ZNF738: variants seen among roughly 807,000 people sequenced by gnomAD.
ZNF738 encodes protein ZNF738.
A neutral mutation model predicts 9.2 loss-of-function variants in ZNF738; 10 were observed. That is an observed-to-expected ratio of 1.09 (90% CI 0.67 to 1.85). ZNF738 has a LOEUF of 1.85. ZNF738 is among the 40% of genes most tolerant of loss of function. The pLI is 0.00. For synonymous variants in ZNF738, 113 were observed against 94.5 expected (o/e 1.20, Z -1.14); for missense variants, 346 against 283.6 (o/e 1.22, Z -1.58).
intron 2 of ZNF738, among the ~76,000 whole-genome samples, chr19:21,367,395 A>G (rs1324691515): frequency 6.6e-6 from 1 of 152,128 alleles, no homozygotes; most frequent in Admixed American, 6.6e-5. Flanking sequence ...AGATGGGCCT[A>G]TGGGGTTTGT....
chr19:21,364,857 T>A (rs1973754512), intron 2 of ZNF738, among the ~76,000 whole-genome samples: 1 of 149,354 alleles, frequency 6.7e-6, no homozygotes, highest in Non-Finnish European at 1.5e-5. Context: ...GTGATTCTCC[T>A]GCCTCAGCCT....
At chr19:21,381,707 A>G in intron 4 of ZNF738, 1 of 338,430 alleles carries the variant, frequency 3.0e-6, no homozygotes, top group Non-Finnish European at 5.6e-6. Context: ...GTTAGCCAGG[A>G]TGGTCTCGAT....
chr19:21,380,983 T>C (rs1358100917), intron 4 of ZNF738, among the ~76,000 whole-genome samples: 1 of 152,166 alleles, frequency 6.6e-6, no homozygotes, highest in Non-Finnish European at 1.5e-5. Flanking sequence ...AAACAAAGGA[T>C]ATAAGAGACC....
Position 21,384,622 on chromosome 19 carries a change from C to G in ZNF738, c.*948C>G, listed in dbSNP as rs1974045529. ...TGTGGCAAAGCTTTTTAAAAATCCT[C>G]AAACCTTACTAATCATAAGATAACT... On this transcript the variant is annotated 3_prime_UTR_variant, in exon 5 of 5. Transcript: ENST00000683779. 6.6e-6 allele frequency among the ~76,000 whole-genome samples: 1 copy of G among 152,186 alleles called. No homozygotes were observed. Among genetic ancestry groups the G allele is most frequent in the South Asian group, 2.1e-4 (1 of 4,832 alleles).
chr19:21,381,138 T>G, intron 4 of ZNF738: 2 of 843,340 alleles, frequency 2.4e-6, no homozygotes, highest in Non-Finnish European at 3.8e-6. Flanking sequence ...ATTAAGCACG[T>G]GAGAGTCACA....
intron 1 of ZNF738, among the ~76,000 whole-genome samples, chr19:21,361,434 C>G (rs998044507): frequency 2.0e-5 from 3 of 152,212 alleles, no homozygotes; most frequent in African/African-American, 7.2e-5. Context: ...GCCACCACAC[C>G]CAGACCAATG....
In ZNF738 at chr19:21,375,230, T is replaced by TGTG. The variant is rs10688072; in HGVS notation, c.97-8_97-7insGTG. 1.4e-5 allele frequency: 16 copies of TGTG among 1,114,690 alleles called. No homozygotes were observed. Among genetic ancestry groups the TGTG allele is most frequent in the Admixed American group, 3.7e-5 (2 of 54,126 alleles). The allele number at this position is 1,114,690 out of a possible 1,614,324, so 69.0% of individuals were successfully genotyped here. ...TTGTAAATATGTGTGTGTGTGTGTG[T>TGTG]TTTTCAGGGGCCGTTGACATTTAGG... On this transcript the variant is annotated splice_polypyrimidine_tract_variant and splice_region_variant and intron_variant, in intron 2 of 4. Coordinates refer to ENST00000683779, the MANE Select transcript of ZNF738 (RefSeq NM_001355237.2).
chr19:21,363,886 A>C (rs2928215), intron 2 of ZNF738, among the ~76,000 whole-genome samples: 58 of 22,266 alleles, frequency 2.6e-3, no homozygotes, highest in African/African-American at 5.6e-3. Flanking sequence ...GACTCCATTT[A>C]AAAAAAAAAA....
chr19:21,368,482 C>T (rs538184204), intron 2 of ZNF738, among the ~76,000 whole-genome samples: 24 of 151,318 alleles, frequency 1.6e-4, no homozygotes, highest in African/African-American at 5.3e-4. Flanking sequence ...TTTTTTGAGA[C>T]GTAGTTCTGC....
At chr19:21,374,670 A>G (rs562496227) in intron 2 of ZNF738, among the ~76,000 whole-genome samples, 1 of 151,862 alleles carries the variant, frequency 6.6e-6, no homozygotes, top group South Asian at 2.1e-4. Flanking sequence ...GAAAATGAAG[A>G]CTCTTATCTT....
At chr19:21,377,319 A>G (rs895037884) in intron 4 of ZNF738, 3 of 554,252 alleles carry the variant, frequency 5.4e-6, no homozygotes, top group Non-Finnish European at 9.6e-6. Context: ...AAAAAAAAAA[A>G]TTGTATTATA....
At chr19:21,382,644 C>G (rs929638291) in intron 4 of ZNF738, among the ~76,000 whole-genome samples, 7 of 152,116 alleles carry the variant, frequency 4.6e-5, no homozygotes, top group Admixed American at 4.6e-4. Flanking sequence ...ATTGTGCTCA[C>G]TTGGGGTACT....
intron 1 of ZNF738, 54 bp from the exon 2 acceptor site, chr19:21,361,712 A>T: frequency 2.6e-6 from 2 of 771,724 alleles, no homozygotes; most frequent in Non-Finnish European, 4.8e-6. Flanking sequence ...TGCCATGGTT[A>T]TGTCAGCTAG....
chr19:21,365,059 GT>G (rs1175191636), intron 2 of ZNF738, among the ~76,000 whole-genome samples: 6 of 151,744 alleles, frequency 4.0e-5, no homozygotes, highest in African/African-American at 1.5e-4. Flanking sequence ...CACCCAGCCA[GT>G]TATTTCTTGA....
intron 2 of ZNF738, among the ~76,000 whole-genome samples, chr19:21,364,783 G>A (rs938445741): frequency 7.4e-6 from 1 of 135,292 alleles, no homozygotes. Context: ...GTCTTGCTCT[G>A]TTGTGAGGCT....
At chr19:21,374,634 G>A (rs1973901639) in intron 2 of ZNF738, among the ~76,000 whole-genome samples, 1 of 152,012 alleles carries the variant, frequency 6.6e-6, no homozygotes, top group African/African-American at 2.4e-5. Flanking sequence ...TCTTTCTTAG[G>A]TTTTCTTTGC....
At chr19:21,364,943 A>G (rs1224736501) in intron 2 of ZNF738, among the ~76,000 whole-genome samples, 1 of 122,302 alleles carries the variant, frequency 8.2e-6, no homozygotes, top group Non-Finnish European at 1.8e-5. Flanking sequence ...TTTTTTTAGT[A>G]GAGACAGGGT....
At chr19:21,381,320 G>A (rs549501870) in intron 4 of ZNF738, 12 of 1,566,846 alleles carry the variant, frequency 7.7e-6, no homozygotes, top group East Asian at 4.5e-5. Context: ...GTCCATTTCC[G>A]CTCCTAAAAC....
At chr19:21,378,031 G>T in intron 4 of ZNF738, 1 of 397,414 alleles carries the variant, frequency 2.5e-6, no homozygotes, top group Admixed American at 4.4e-5. Context: ...TTTGTGGTAC[G>T]TGGGGGATTA....
Sources: gnomAD v4.1 joint callset for allele counts (sites outside exome capture counted in the v4.1 genomes callset) on GRCh38, gnomAD v4.1.1 for gene constraint, MANE v1.5 for transcripts, NCBI Gene and HGNC (gene_info 2026-07-23, HGNC 2026-07-21) for gene names.